STX8: variants seen among roughly 807,000 people sequenced by gnomAD.
STX8 encodes the protein syntaxin-8.
A neutral mutation model predicts 37.5 loss-of-function variants in STX8; 23 were observed. The observed-to-expected ratio is 0.61, with a 90% CI of 0.44 to 0.87. The LOEUF (loss-of-function observed/expected upper bound fraction) is 0.87, where lower values mean the gene tolerates loss of function less well. STX8 is among the 40% of genes least tolerant of loss of function. The pLI is 0.00. For synonymous variants in STX8, 115 were observed against 99.1 expected (o/e 1.16, Z -0.95); for missense variants, 313 against 284.7 (o/e 1.10, Z -0.71).
chr17:9,521,578 C>T (rs1028765947), intron 4 of STX8, among the ~76,000 whole-genome samples: 2 of 152,134 alleles, frequency 1.3e-5, no homozygotes, highest in Admixed American at 1.3e-4. Context: ...TTTTCTGTAT[C>T]CCATCCACCC....
At chr17:9,497,385 A>G (rs1904446212) in intron 5 of STX8, among the ~76,000 whole-genome samples, 1 of 152,242 alleles carries the variant, frequency 6.6e-6, no homozygotes, top group Non-Finnish European at 1.5e-5. Flanking sequence ...TTTCCAAAAC[A>G]GTATTTATCT....
Position 9,543,230 on chromosome 17 carries a change from T to A in STX8, c.323+1942A>T, listed in dbSNP as rs757957323. On this transcript the variant is annotated intron_variant, in intron 4 of 7. Coordinates refer to ENST00000306357, the MANE Select transcript of STX8 (RefSeq NM_004853.3). The stretch of plus-strand genomic sequence containing the variant: ...AAACAAGCTCCCCGTCCTACCTATG[T>A]CCTTATTAATTTCTTGACTAAAAAG... Among the ~76,000 whole-genome samples the A allele has an allele frequency of 3.1e-4, 47 of 152,110 alleles. 1 individual carries two copies. The Middle Eastern group carries it at 0.01, about 33-fold the overall frequency.
chr17:9,299,187 G>A (rs1325911823), intron 7 of STX8, among the ~76,000 whole-genome samples: 1 of 152,062 alleles, frequency 6.6e-6, no homozygotes, highest in African/African-American at 2.4e-5. Flanking sequence ...ACACACTCAC[G>A]CAGGCACAGT....
Position 9,352,466 on chromosome 17 carries a change from C to CTTT in STX8, c.643+26083_643+26085dup, listed in dbSNP as rs745427686. 5.5e-3 allele frequency among the ~76,000 whole-genome samples: 487 copies of CTTT among 88,102 alleles called. 12 individuals are homozygous for CTTT. Among genetic ancestry groups the CTTT allele is most frequent in the African/African-American group, 0.021 (450 of 21,948 alleles). 57.8% of individuals were successfully genotyped at this position (88,102 alleles called of 152,430 possible). A position where few individuals can be genotyped will look rare whatever the true frequency, so the allele number is the denominator to read the frequency against. On this transcript the variant is annotated intron_variant, in intron 7 of 7. Transcript: ENST00000306357. Reference sequence around the variant, plus strand: ...GAGCCTCTCCCCATCCTTACTCCCACTTTTTTTTTTTTTTTTTTTGAGACG... The same window carrying CTTT: ...GAGCCTCTCCCCATCCTTACTCCCACTTTTTTTTTTTTTTTTTTTTTTGAGACG...
At chr17:9,358,420 T>G (rs1451260419) in intron 7 of STX8, among the ~76,000 whole-genome samples, 1 of 152,244 alleles carries the variant, frequency 6.6e-6, no homozygotes, top group Non-Finnish European at 1.5e-5. Flanking sequence ...ACTCAGTTGT[T>G]CATTCACGGT....
chr17:9,263,799 G>T (rs996875497), intron 7 of STX8, among the ~76,000 whole-genome samples: 1 of 152,178 alleles, frequency 6.6e-6, no homozygotes, highest in African/African-American at 2.4e-5. Context: ...CTCGCTAATT[G>T]TATTTTCTGA....
rs146903205 is a variant in STX8, at chr17:9,423,752, G to T, written c.542-45099C>A. On this transcript the variant is annotated intron_variant, in intron 6 of 7. Transcript: ENST00000306357. ...CCTTGCAGGTCAGTGATCCTCCAAA[G>T]ATAAAAGAAAAACACTGTGCCACAG... 6.8e-3 allele frequency among the ~76,000 whole-genome samples: 1,033 copies of T among 152,292 alleles called. 19 individuals are homozygous for T. Among genetic ancestry groups the T allele is most frequent in the African/African-American group, 0.024 (998 of 41,564 alleles).
At chr17:9,274,823 T>C (rs1907614492) in intron 7 of STX8, among the ~76,000 whole-genome samples, 1 of 131,946 alleles carries the variant, frequency 7.6e-6, no homozygotes, top group African/African-American at 2.8e-5. Context: ...TGATCTCAGC[T>C]CACTGCAACC....
chr17:9,459,112 G>A (rs1199249015), intron 6 of STX8, among the ~76,000 whole-genome samples: 2 of 152,150 alleles, frequency 1.3e-5, no homozygotes, highest in African/African-American at 2.4e-5. Flanking sequence ...AATTACAGGC[G>A]TGAGCCACCA....
At chr17:9,257,891 A>AGGCT (rs1382446111) in intron 7 of STX8, among the ~76,000 whole-genome samples, 1 of 152,240 alleles carries the variant, frequency 6.6e-6, no homozygotes, top group Non-Finnish European at 1.5e-5. Flanking sequence ...TGGGAGGCTG[A>AGGCT]GGCTGGAGAA....
chr17:9,540,658 T>C (rs1906243140), intron 4 of STX8: 1 of 152,282 alleles, frequency 6.6e-6, no homozygotes, highest in African/African-American at 2.4e-5. Flanking sequence ...ACCATCATTG[T>C]GTGTTATGTC....
At position 9,506,407 on chromosome 17, in the gene STX8, T is replaced by TCCCCCCCCCCCCCCCCCCCCCCCCC. The variant is rs57490676; in HGVS notation, c.324-1246_324-1245insGGGGGGGGGGGGGGGGGGGGGGGGG. Among the ~76,000 whole-genome samples the TCCCCCCCCCCCCCCCCCCCCCCCCC allele has an allele frequency of 1.5e-4, 6 of 39,332 alleles. 2 individuals are homozygous for TCCCCCCCCCCCCCCCCCCCCCCCCC. The highest frequency in any genetic ancestry group is 1.5e-4 in the Non-Finnish European group (3 of 20,524). 25.8% of individuals were successfully genotyped at this position (39,332 alleles called of 152,430 possible). On this transcript the variant is annotated intron_variant, in intron 4 of 7. Coordinates refer to ENST00000306357, the MANE Select transcript of STX8 (RefSeq NM_004853.3). ...TTAGAGTCAGCTGGTGCTCACCCGCTCCCCCCCCCCCCCACCCACCTTTCT... is the reference window on the plus strand; with the variant it reads ...TTAGAGTCAGCTGGTGCTCACCCGCTCCCCCCCCCCCCCCCCCCCCCCCCCCCCCCCCCCCCCCACCCACCTTTCT...
chr17:9,378,956 A>G (rs913955909), intron 6 of STX8, among the ~76,000 whole-genome samples: 16 of 152,296 alleles, frequency 1.1e-4, no homozygotes, highest in African/African-American at 7.2e-5. Flanking sequence ...GTATAAAGGA[A>G]CAGACAGGCC....
chr17:9,553,819 A>T (rs1906858806), intron 3 of STX8: 1 of 152,222 alleles, frequency 6.6e-6, no homozygotes, highest in Non-Finnish European at 1.5e-5. Flanking sequence ...AGCTGACTGT[A>T]TTATTTCTAC....
chr17:9,357,321 A>G (rs1597622568), intron 7 of STX8, among the ~76,000 whole-genome samples: 1 of 152,034 alleles, frequency 6.6e-6, no homozygotes, highest in African/African-American at 2.4e-5. Context: ...TGAGTGAAAT[A>G]CCTAGTATGG....
chr17:9,297,337 A>C (rs1908599206), intron 7 of STX8, among the ~76,000 whole-genome samples: 1 of 152,106 alleles, frequency 6.6e-6, no homozygotes, highest in African/African-American at 2.4e-5. Context: ...TGAGTATGAG[A>C]ATCTCATCAC....
chr17:9,349,119 G>A (rs1242635728), intron 7 of STX8, among the ~76,000 whole-genome samples: 2 of 152,050 alleles, frequency 1.3e-5, no homozygotes, highest in East Asian at 1.9e-4. Flanking sequence ...AGCCTCCCGA[G>A]TAGCTGGGAT....
At chr17:9,575,756 T>C (rs764002056) in intron 1 of STX8, 36 bp downstream of exon 1, 96 of 1,545,192 alleles carry the variant, frequency 6.2e-5, no homozygotes, top group Non-Finnish European at 8.3e-5. Flanking sequence ...TCCCCGAAGG[T>C]CCCTCCACGC....
intron 6 of STX8, among the ~76,000 whole-genome samples, chr17:9,429,827 T>A (rs71369627): frequency 4.3e-4 from 2 of 4,622 alleles, no homozygotes; most frequent in African/African-American, 1.2e-3. Flanking sequence ...TATTATATAT[T>A]ATATATATTA....
Sources: allele counts gnomAD v4.1 joint callset (sites outside exome capture counted in the v4.1 genomes callset), GRCh38; gene constraint gnomAD v4.1.1; transcripts MANE v1.5; gene names NCBI Gene and HGNC (gene_info 2026-07-23, HGNC 2026-07-21).